The following ARSG variants were observed in gnomAD, a reference collection of about 807,000 sequenced individuals.
ARSG encodes ASG.
A neutral mutation model predicts 50.5 loss-of-function variants in ARSG; 37 were observed. The ratio of observed to expected loss-of-function variants is 0.73; its 90% CI spans 0.56 to 0.96. The LOEUF (loss-of-function observed/expected upper bound fraction) is 0.96. Among genes scored for constraint, ARSG ranks in the 50% least tolerant of loss-of-function variants. The pLI is 0.00. For synonymous variants in ARSG, 225 were observed against 254.6 expected (o/e 0.88, Z 1.11); for missense variants, 629 against 675.3 (o/e 0.93, Z 0.76).
chr17:68,346,988 C>T, intron 3 of ARSG, 137 bp from the exon 4 acceptor site: 2 of 1,542,162 alleles, frequency 1.3e-6, no homozygotes, highest in African/African-American at 1.4e-5. Flanking sequence ...GGCTTGTACA[C>T]CACATTGCAG....
intron 10 of ARSG, among the ~76,000 whole-genome samples, chr17:68,398,265 A>G (rs988249370): frequency 1.3e-5 from 2 of 151,508 alleles, no homozygotes; most frequent in African/African-American, 4.9e-5. Context: ...ATGTATGCCT[A>G]TGCATGTCTA....
intron 2 of ARSG, among the ~76,000 whole-genome samples, chr17:68,310,503 A>C (rs2076808197): frequency 6.6e-6 from 1 of 152,214 alleles, no homozygotes; most frequent in Admixed American, 6.5e-5. Flanking sequence ...ATTTTTGTTA[A>C]AACACCCAGC....
intron 2 of ARSG, among the ~76,000 whole-genome samples, chr17:68,312,828 T>C (rs1568454044): frequency 6.6e-6 from 1 of 152,124 alleles, no homozygotes; most frequent in Non-Finnish European, 1.5e-5. Flanking sequence ...CGAACTCTTA[T>C]TGCCCAACAG....
rs200999761 is a variant in ARSG, at chr17:68,397,475, ATGGGTAGT to A, written c.1212+2285_1212+2292del. ...TAAGATTCTGAAGTTTGAGGACAAC[ATGGGTAGT>A]TGCTGGACCTGAATTTGGGTTTGGT... On this transcript the variant is annotated intron_variant, in intron 10 of 11. Coordinates refer to ENST00000621439, the MANE Select transcript of ARSG (RefSeq NM_001267727.2). Among the ~76,000 whole-genome samples, 1,328 of 152,274 alleles carry A rather than the reference ATGGGTAGT, an allele frequency of 8.7e-3. 22 individuals are homozygous for A. Among genetic ancestry groups the A allele is most frequent in the African/African-American group, 0.03 (1,255 of 41,544 alleles).
At chr17:68,383,398 G>A (rs562037462) in intron 8 of ARSG, among the ~76,000 whole-genome samples, 9 of 152,300 alleles carry the variant, frequency 5.9e-5, no homozygotes, top group Middle Eastern at 3.4e-3. Flanking sequence ...CTGGTTGACC[G>A]ATAGAGCTAA....
chr17:68,361,897 C>A (rs920883294), intron 6 of ARSG, among the ~76,000 whole-genome samples: 5 of 152,130 alleles, frequency 3.3e-5, no homozygotes, highest in Non-Finnish European at 5.9e-5. Flanking sequence ...GCCTGGGCAA[C>A]AAGAGCGAAA....
chr17:68,373,278 G>A (rs954879597), intron 8 of ARSG, among the ~76,000 whole-genome samples: 2 of 150,090 alleles, frequency 1.3e-5, no homozygotes, highest in Non-Finnish European at 3.0e-5. Context: ...TCCCTGGGCT[G>A]GAGTGCAATG....
rs1040040944 is a variant in ARSG, at chr17:68,342,327, C to CAT, written c.219-1265_219-1264dup. On this transcript the variant is annotated intron_variant, in intron 2 of 11. Transcript: ENST00000621439. ...GTGTAAAGATACCTTATTTTATGTA[C>CAT]ATATATATATATACATATATATATG... 6.8e-3 allele frequency among the ~76,000 whole-genome samples: 1,005 copies of CAT among 148,514 alleles called. 11 individuals carry two copies. Among genetic ancestry groups the CAT allele is most frequent in the African/African-American group, 0.018 (748 of 40,474 alleles).
At chr17:68,439,606 G>A in the ARSG span, among the ~76,000 whole-genome samples, 1 of 152,114 alleles carries the variant, frequency 6.6e-6, no homozygotes, top group Non-Finnish European at 1.5e-5. Context: ...CATTTTAAAC[G>A]GGTGAATTGT....
intron 1 of ARSG, among the ~76,000 whole-genome samples, chr17:68,262,570 G>A (rs1344143176): frequency 6.6e-6 from 1 of 152,122 alleles, no homozygotes; most frequent in African/African-American, 2.4e-5. Flanking sequence ...CATTGCTAAG[G>A]ATTTAGTTCA....
the ARSG span, chr17:68,436,239 A>G: frequency 1.4e-6 from 1 of 725,352 alleles, no homozygotes; most frequent in Non-Finnish European, 2.4e-6. Flanking sequence ...GGGAAATAGT[A>G]TCACCTTCTC....
chr17:68,329,538 C>T (rs1369912131), intron 2 of ARSG, among the ~76,000 whole-genome samples: 3 of 152,158 alleles, frequency 2.0e-5, no homozygotes, highest in Non-Finnish European at 4.4e-5. Context: ...CCACTGGCTG[C>T]CCCAGGGGCT....
Position 68,395,057 on chromosome 17 carries a change from CTT to C in ARSG, c.1092-15_1092-14del, listed in dbSNP as rs750524136. On this transcript the variant is annotated splice_polypyrimidine_tract_variant and intron_variant, in intron 9 of 11. Transcript: ENST00000621439. ...TCAGAAGAGCTGGGGACAACTCAGTCTTGTTATTTCCGCAGCGTGCTGGACAT... is the reference window on the plus strand; with the variant it reads ...TCAGAAGAGCTGGGGACAACTCAGTCGTTATTTCCGCAGCGTGCTGGACAT... The C allele has an allele frequency of 6.2e-7, 1 of 1,613,410 alleles. No individual in the cohort carries two copies. Among genetic ancestry groups the C allele is most frequent in the South Asian group, 1.1e-5 (1 of 90,952 alleles).
chr17:68,363,148 A>T (rs921880357), intron 6 of ARSG, among the ~76,000 whole-genome samples: 1 of 152,156 alleles, frequency 6.6e-6, no homozygotes, highest in Admixed American at 6.6e-5. Flanking sequence ...TATGGCAGGG[A>T]TGGGGGCAGA....
the ARSG span, among the ~76,000 whole-genome samples, chr17:68,441,710 C>G: frequency 6.6e-6 from 1 of 152,286 alleles, no homozygotes; most frequent in Admixed American, 6.5e-5. Flanking sequence ...CCTTTGCCCA[C>G]CCAGGCCACA....
the ARSG span, chr17:68,435,801 C>A: frequency 8.2e-7 from 1 of 1,213,276 alleles, no homozygotes; most frequent in South Asian, 1.3e-5. Flanking sequence ...TCTCCTTTCT[C>A]CCTCCTTTGT....
At chr17:68,325,337 C>T (rs2077463096) in intron 2 of ARSG, among the ~76,000 whole-genome samples, 1 of 151,854 alleles carries the variant, frequency 6.6e-6, no homozygotes, top group Non-Finnish European at 1.5e-5. Context: ...CCAGATGGGA[C>T]CATCTAGTTG....
At chr17:68,309,867 AT>A (rs1489540495) in intron 2 of ARSG, among the ~76,000 whole-genome samples, 15 of 149,158 alleles carry the variant, frequency 1.0e-4, no homozygotes, top group African/African-American at 3.5e-4. Context: ...CTAAAAAAAA[AT>A]AAATAAAATA....
At chr17:68,320,382 G>C (rs545650053) in intron 2 of ARSG, among the ~76,000 whole-genome samples, 188 of 152,288 alleles carry the variant, frequency 1.2e-3, no homozygotes, top group African/African-American at 4.4e-3. Flanking sequence ...AAGATTATCT[G>C]TTAAGACTTG....
Sources: allele counts gnomAD v4.1 joint callset (sites outside exome capture counted in the v4.1 genomes callset), GRCh38; gene constraint gnomAD v4.1.1; transcripts MANE v1.5; gene names NCBI Gene and HGNC (gene_info 2026-07-23, HGNC 2026-07-21).